KSR2: variants seen among roughly 807,000 people sequenced by gnomAD.
The protein encoded by KSR2 is kinase suppressor of ras 2.
In KSR2, 25 loss-of-function variants were observed where a neutral mutation model predicts 107.8. The observed-to-expected ratio is 0.23, with a 90% confidence interval of 0.17 to 0.32. The LOEUF (loss-of-function observed/expected upper bound fraction) is 0.32. Ranked by LOEUF, KSR2 falls within the 10% of genes least tolerant of loss-of-function variation. The pLI is 1.00. For missense variants in KSR2, 887 were observed against 1,268.9 expected (o/e 0.70, Z 4.57); for synonymous variants, 480 against 507.0 (o/e 0.95, Z 0.71).
At chr12:117,750,328 C>T (rs1221711385) in intron 4 of KSR2, among the ~76,000 whole-genome samples, 1 of 149,670 alleles carries the variant, frequency 6.7e-6, no homozygotes, top group African/African-American at 2.5e-5. Flanking sequence ...CAGGAGCATA[C>T]ATTTTACTAG....
intron 14 of KSR2, among the ~76,000 whole-genome samples, chr12:117,494,932 G>A (rs1156286272): frequency 2.0e-5 from 3 of 152,250 alleles, no homozygotes; most frequent in Non-Finnish European, 2.9e-5. Context: ...GTAGGACAAC[G>A]TGTGGCATGC....
intron 1 of KSR2, among the ~76,000 whole-genome samples, chr12:117,906,594 A>G (rs890451383): frequency 6.6e-6 from 1 of 152,044 alleles, no homozygotes; most frequent in Non-Finnish European, 1.5e-5. Flanking sequence ...CTACAAGAGC[A>G]AAACTCCTTC....
At chr12:117,811,926 T>C (rs1891203115) in intron 3 of KSR2, among the ~76,000 whole-genome samples, 1 of 152,220 alleles carries the variant, frequency 6.6e-6, no homozygotes, top group Admixed American at 6.5e-5. Flanking sequence ...GCCTGCTGCC[T>C]GAACTTAGAA....
intron 4 of KSR2, among the ~76,000 whole-genome samples, chr12:117,687,810 C>A (rs767084988): frequency 1.3e-5 from 2 of 151,982 alleles, no homozygotes; most frequent in African/African-American, 2.4e-5. Flanking sequence ...GCATGACACA[C>A]GATGGAAAAA....
rs1248870633 is a variant in KSR2 at position 117,453,260 on chromosome 12, G to A, written c.*13939C>T. The A allele has an allele frequency of 1.3e-5, 2 of 152,396 alleles. No individual in the cohort carries two copies. Among genetic ancestry groups the A allele is most frequent in the African/African-American group, 2.4e-5 (1 of 41,420 alleles). The allele number at this position is 152,396 out of a possible 1,614,324, so 9.4% of individuals were successfully genotyped here. Reference sequence around the variant, plus strand: ...ACACAGTGGACCCTCCATCCATCTGGCCTTTCTTTCCTGGATGGCATCTGA... The same window carrying A: ...ACACAGTGGACCCTCCATCCATCTGACCTTTCTTTCCTGGATGGCATCTGA... On this transcript the variant is annotated 3_prime_UTR_variant, in exon 20 of 20. Transcript: ENST00000339824.
intron 1 of KSR2, among the ~76,000 whole-genome samples, chr12:117,947,241 GAAAGAAAGAAAGAAAGAAGATAA>G (rs1566094681): frequency 2.4e-4 from 29 of 121,664 alleles, no homozygotes; most frequent in African/African-American, 8.8e-4. Flanking sequence ...AAGAAAGAAA[GAAAGAAAGAAAGAAAGAAGATAA>G]ACCACATGAC....
intron 4 of KSR2, among the ~76,000 whole-genome samples, chr12:117,680,656 G>A (rs1435988347): frequency 1.3e-5 from 2 of 152,098 alleles, no homozygotes; most frequent in Non-Finnish European, 2.9e-5. Context: ...GCATTATGGT[G>A]GACTGGTCGA....
chr12:117,678,102 A>AT (rs35096843), intron 4 of KSR2, among the ~76,000 whole-genome samples: 17,038 of 127,418 alleles, frequency 0.13, 1,283 homozygotes, highest in Admixed American at 0.2. Flanking sequence ...AGCCCAGCTA[A>AT]TTTTTTTTTT....
chr12:117,724,552 T>C (rs1360783447), intron 4 of KSR2, among the ~76,000 whole-genome samples: 1 of 152,024 alleles, frequency 6.6e-6, no homozygotes, highest in Non-Finnish European at 1.5e-5. Flanking sequence ...AAGCATCATC[T>C]CTCTGGATCA....
intron 5 of KSR2, among the ~76,000 whole-genome samples, chr12:117,609,198 T>G (rs1014178086): frequency 6.6e-6 from 1 of 152,162 alleles, no homozygotes; most frequent in Non-Finnish European, 1.5e-5. Flanking sequence ...ACTTTGTTGC[T>G]GAGAGATATT....
chr12:117,859,044 C>A (rs1421834800), intron 2 of KSR2, among the ~76,000 whole-genome samples: 2 of 150,850 alleles, frequency 1.3e-5, no homozygotes, highest in East Asian at 3.9e-4. Flanking sequence ...AGAACGTGGT[C>A]TAATCTTTGA....
At chr12:117,936,535 AG>A (rs1392245981) in intron 1 of KSR2, among the ~76,000 whole-genome samples, 5,996 of 88,552 alleles carry the variant, frequency 0.068, 159 homozygotes, top group South Asian at 0.099. Context: ...TATTATTATT[AG>A]TAGTAGTAGT....
intron 9 of KSR2, among the ~76,000 whole-genome samples, chr12:117,543,248 A>G (rs1365752958): frequency 2.0e-5 from 3 of 152,232 alleles, no homozygotes; most frequent in Admixed American, 6.5e-5. Flanking sequence ...GCAATGTACA[A>G]ATGATTGATT....
rs189247882 is a variant in KSR2 at position 117,905,362 on chromosome 12, C to T, written c.181-44931G>A. Among the ~76,000 whole-genome samples the T allele has an allele frequency of 1.5e-4, 23 of 152,198 alleles. No individual in the cohort carries two copies. In the East Asian group the frequency reaches 3.9e-3, roughly 26 times the overall value. On this transcript the variant is annotated intron_variant, in intron 1 of 19. Coordinates refer to ENST00000339824, the MANE Select transcript of KSR2 (RefSeq NM_173598.6). ...TGGGGAGCCATATGTTTGATAGTTA[C>T]GTTTGTTATAATACAAATAAAATAA...
At chr12:117,549,321 G>A (rs1463758581) in intron 9 of KSR2, among the ~76,000 whole-genome samples, 3 of 152,142 alleles carry the variant, frequency 2.0e-5, no homozygotes, top group South Asian at 2.1e-4. Context: ...TATATTACAC[G>A]AGGAAAAGAA....
intron 1 of KSR2, among the ~76,000 whole-genome samples, chr12:117,936,575 G>GTAGTAGT (rs1441078025): frequency 6.6e-6 from 1 of 150,744 alleles, no homozygotes. Context: ...AGTAGTAGTA[G>GTAGTAGT]AGACAGGGTC....
Position 117,828,246 on chromosome 12 carries a change from C to T in KSR2, c.472+27182G>A, listed in dbSNP as rs750902670. 8.1e-4 allele frequency among the ~76,000 whole-genome samples: 124 copies of T among 152,164 alleles called. 1 individual carries two copies. The highest frequency in any genetic ancestry group is 4.9e-4 in the Non-Finnish European group (33 of 68,036). On this transcript the variant is annotated intron_variant, in intron 3 of 19. Coordinates refer to ENST00000339824, the MANE Select transcript of KSR2 (RefSeq NM_173598.6). Reference sequence around the variant, plus strand: ...CCTCAATACCAACTCTTCCCTGAAACGATACATCCCACAGCCTGCTTCATA... The same window carrying T: ...CCTCAATACCAACTCTTCCCTGAAATGATACATCCCACAGCCTGCTTCATA...
At chr12:117,945,629 G>A (rs774392011) in intron 1 of KSR2, among the ~76,000 whole-genome samples, 4 of 152,114 alleles carry the variant, frequency 2.6e-5, no homozygotes, top group South Asian at 2.1e-4. Flanking sequence ...AGCCAAGGTC[G>A]TGCCATTGCA....
At chr12:117,567,241 C>G (rs1878559249) in intron 7 of KSR2, among the ~76,000 whole-genome samples, 1 of 152,176 alleles carries the variant, frequency 6.6e-6, no homozygotes, top group South Asian at 2.1e-4. Context: ...GAAGTGGTGG[C>G]TGAGCTGAGC....
Sources: gnomAD v4.1 joint callset for allele counts (sites outside exome capture counted in the v4.1 genomes callset) on GRCh38, gnomAD v4.1.1 for gene constraint, MANE v1.5 for transcripts, NCBI Gene and HGNC (gene_info 2026-07-23, HGNC 2026-07-21) for gene names.